The following ECI2 variants were observed in gnomAD, a reference collection of about 807,000 sequenced individuals.
The protein encoded by ECI2 is D3,D2-enoyl-CoA isomerase.
A neutral mutation model predicts 38.4 loss-of-function variants in ECI2; 27 were observed. That is an observed-to-expected ratio of 0.70 (90% confidence interval 0.52 to 0.97). The LOEUF (loss-of-function observed/expected upper bound fraction) is 0.97, where lower values mean the gene tolerates loss of function less well. ECI2 is among the 50% of genes least tolerant of loss of function. The probability of loss-of-function intolerance (pLI) is 0.00; values close to 1 mark genes in which losing one functional copy is unlikely to be tolerated. For missense variants in ECI2, 470 were observed against 474.4 expected (o/e 0.99, Z 0.09); for synonymous variants, 168 against 172.0 (o/e 0.98, Z 0.18).
At chr6:4,130,647 C>T (rs1393363800) in intron 3 of ECI2, 87 bp from the exon 4 acceptor site, 1 of 1,605,826 alleles carries the variant, frequency 6.2e-7, no homozygotes, top group African/African-American at 1.3e-5. Context: ...TAACACCTTG[C>T]AATGAAGAAA....
intron 7 of ECI2, among the ~76,000 whole-genome samples, chr6:4,122,516 C>T (rs983446930): frequency 1.1e-4 from 16 of 149,340 alleles, no homozygotes; most frequent in Admixed American, 4.7e-4. Flanking sequence ...CCACCATGCC[C>T]AGCCTAGATT....
At chr6:4,127,966 C>G in intron 4 of ECI2, 135 bp from the exon 5 acceptor site, 1 of 749,930 alleles carries the variant, frequency 1.3e-6, no homozygotes, top group Non-Finnish European at 2.0e-6. Flanking sequence ...TATTTTATAA[C>G]CAAAAAGGTG....
At chr6:4,129,826 A>C (rs773503896) in intron 4 of ECI2, among the ~76,000 whole-genome samples, 12 of 152,104 alleles carry the variant, frequency 7.9e-5, no homozygotes, top group Non-Finnish European at 1.6e-4. Flanking sequence ...ATTTTTTTCA[A>C]GAAGAAGGGG....
chr6:4,125,153 A>G (rs1773058285), intron 7 of ECI2, 97 bp downstream of exon 7: 26 of 1,546,246 alleles, frequency 1.7e-5, no homozygotes, highest in Non-Finnish European at 2.3e-5. Flanking sequence ...CACAAACAAC[A>G]TGTAACCTGC....
chr6:4,131,557 A>G (rs1773509357), intron 2 of ECI2, among the ~76,000 whole-genome samples: 1 of 152,168 alleles, frequency 6.6e-6, no homozygotes, highest in Admixed American at 6.5e-5. Flanking sequence ...GGAAAGAAGA[A>G]AGAGTCTTTG....
intron 8 of ECI2, chr6:4,118,320 C>A (rs1018707791): frequency 6.6e-6 from 1 of 152,494 alleles, no homozygotes; most frequent in Non-Finnish European, 1.5e-5. Flanking sequence ...GTGTGAGCCA[C>A]TGCACCCAGC....
chr6:4,121,383 C>G (rs1772739051), intron 7 of ECI2, among the ~76,000 whole-genome samples: 1 of 152,094 alleles, frequency 6.6e-6, no homozygotes, highest in Non-Finnish European at 1.5e-5. Flanking sequence ...CAAATCTTTT[C>G]TCCTGGTCTA....
At chr6:4,121,363 G>C (rs1772736288) in intron 7 of ECI2, among the ~76,000 whole-genome samples, 1 of 151,968 alleles carries the variant, frequency 6.6e-6, no homozygotes. Context: ...TCTTTTATTA[G>C]AGCGTCAGGC....
chr6:4,125,194 A>C (rs1773062346), intron 7 of ECI2, 56 bp downstream of exon 7: 3 of 1,597,172 alleles, frequency 1.9e-6, no homozygotes, highest in Non-Finnish European at 2.6e-6. Flanking sequence ...GGAGGATTCA[A>C]AGGCTCTCAT....
At chr6:4,135,360 T>C in intron 1 of ECI2, 151 bp downstream of exon 1, 1 of 1,501,330 alleles carries the variant, frequency 6.7e-7, no homozygotes, top group East Asian at 2.5e-5. Context: ...TCGTCACTTT[T>C]TAGCACTACC....
In ECI2 at chr6:4,135,519, C is replaced by G. The variant is rs750306530; in HGVS notation, c.42G>C (p.Ser14=). 6.2e-7 allele frequency: 1 copy of G among 1,611,272 alleles called. No individual in the cohort carries two copies. Residue 14 remains serine (S), a synonymous_variant, in exon 1 of 10, where the codon TCG becomes TCC. Transcript: ENST00000380118. ...AYLAWRLARR[S]CPSSLQVTSF... ...CGGGACTCCAAGCTTACCTCGGACA[C>G]GAACGCCGCGCCAGTCTCCAAGCCA...
In ECI2 at chr6:4,127,745, C is replaced by T. The variant is rs199554500; in HGVS notation, c.571+17G>A. On this transcript the variant is annotated intron_variant, in intron 5 of 9. Transcript: ENST00000380118. ...CAAAATAGAAATTTAATTAGGATGCCTGAGAAAATGTCTTACCTGTTAAAA... is the reference window on the plus strand; with the variant it reads ...CAAAATAGAAATTTAATTAGGATGCTTGAGAAAATGTCTTACCTGTTAAAA... The T allele has an allele frequency of 1.0e-5, 16 of 1,604,916 alleles. No homozygotes were observed. Among genetic ancestry groups the T allele is most frequent in the Non-Finnish European group, 1.3e-5 (15 of 1,176,588 alleles).
intron 1 of ECI2, 41 bp from the exon 2 acceptor site, chr6:4,133,752 C>T (rs1430091078): frequency 6.5e-7 from 1 of 1,548,440 alleles, no homozygotes; most frequent in Non-Finnish European, 8.7e-7. Context: ...TCCCAACCCT[C>T]ACATTTCTGC....
intron 7 of ECI2, 27 bp downstream of exon 7, chr6:4,125,223 C>A: frequency 6.2e-7 from 1 of 1,612,626 alleles, no homozygotes; most frequent in South Asian, 1.1e-5. Flanking sequence ...GCTTGCCTGA[C>A]CTCTTGCTTT....
chr6:4,128,700 A>G (rs1008388585), intron 4 of ECI2, among the ~76,000 whole-genome samples: 5 of 152,136 alleles, frequency 3.3e-5, no homozygotes, highest in African/African-American at 1.2e-4. Context: ...TCCCTAAACA[A>G]TACAGTATAA....
intron 5 of ECI2, among the ~76,000 whole-genome samples, chr6:4,126,455 C>T (rs917599229): frequency 3.3e-5 from 5 of 152,064 alleles, no homozygotes; most frequent in African/African-American, 4.8e-5. Context: ...AGGAGTGGTG[C>T]GTCATGAAAT....
chr6:4,127,411 T>C (rs1773238312), intron 5 of ECI2, among the ~76,000 whole-genome samples: 2 of 100,734 alleles, frequency 2.0e-5, no homozygotes, highest in Non-Finnish European at 3.9e-5. Flanking sequence ...AGCCTTTTTT[T>C]TTTTTTTTTT....
rs567200034 is a variant in ECI2 at position 4,135,416 on chromosome 6, T to C, written c.50+95A>G. 209 of 1,598,254 alleles carry C rather than the reference T, an allele frequency of 1.3e-4. 1 individual carries two copies. In the African/African-American group the frequency reaches 2.6e-3, roughly 20 times the overall value. ...CAAAATCCTGTTGCCACCTAGACAA[T>C]AGGGAAGGAGGGTCTTCCAACGGCG... On this transcript the variant is annotated intron_variant, in intron 1 of 9. Coordinates refer to ENST00000380118, the MANE Select transcript of ECI2 (RefSeq NM_206836.3).
At chr6:4,119,800 A>G (rs1772561520) in intron 7 of ECI2, among the ~76,000 whole-genome samples, 1 of 152,210 alleles carries the variant, frequency 6.6e-6, no homozygotes, top group Non-Finnish European at 1.5e-5. Context: ...TGACATGCGG[A>G]ACATTTCAGC....
Sources: allele counts gnomAD v4.1 joint callset (sites outside exome capture counted in the v4.1 genomes callset), GRCh38; gene constraint gnomAD v4.1.1; transcripts MANE v1.5; gene names NCBI Gene and HGNC (gene_info 2026-07-23, HGNC 2026-07-21).